Variants in MLLT10 observed in about 807,000 individuals in gnomAD.
MLLT10 encodes protein AF-10.
MLLT10 carries 30 observed loss-of-function variants against 129.1 expected under a neutral mutation model. That is an observed-to-expected ratio of 0.23 (90% CI 0.17 to 0.32). MLLT10 has a LOEUF of 0.32. Ranked by LOEUF, MLLT10 falls within the 10% of genes least tolerant of loss-of-function variation. The probability of loss-of-function intolerance (pLI) is 1.00; values close to 1 mark genes in which losing one functional copy is unlikely to be tolerated. For missense variants in MLLT10, 1,119 were observed against 1,268.3 expected (o/e 0.88, Z 1.79); for synonymous variants, 490 against 446.4 (o/e 1.10, Z -1.23).
chr10:21,677,855 C>T (rs1041493370), intron 11 of MLLT10, among the ~76,000 whole-genome samples: 5 of 152,180 alleles, frequency 3.3e-5, no homozygotes, highest in Non-Finnish European at 7.4e-5. Context: ...TAAACTATAA[C>T]ATTCACTATA....
intron 5 of MLLT10, among the ~76,000 whole-genome samples, chr10:21,596,100 G>A (rs1421606389): frequency 1.3e-5 from 2 of 151,892 alleles, no homozygotes; most frequent in African/African-American, 4.8e-5. Context: ...AAATGTTTTT[G>A]TGTAAAAAAC....
chr10:21,678,100 T>A (rs1339943029), intron 11 of MLLT10, among the ~76,000 whole-genome samples: 1 of 152,042 alleles, frequency 6.6e-6, no homozygotes, highest in Non-Finnish European at 1.5e-5. Context: ...GTAAAGCTTT[T>A]CTTTTCTTTT....
At chr10:21,735,258 A>G (rs2058267634) in intron 21 of MLLT10, 23 bp downstream of exon 21, 3 of 1,528,010 alleles carry the variant, frequency 2.0e-6, no homozygotes, top group African/African-American at 1.4e-5. Flanking sequence ...TTTTGATAAT[A>G]TCTTATTAGG....
At chr10:21,551,316 T>A (rs1385847858) in intron 3 of MLLT10, among the ~76,000 whole-genome samples, 2 of 144,878 alleles carry the variant, frequency 1.4e-5, no homozygotes, top group Non-Finnish European at 3.0e-5. Flanking sequence ...TTTTTTTTTT[T>A]ACATAACACA....
chr10:21,557,267 T>TA, intron 3 of MLLT10: 1 of 859,744 alleles, frequency 1.2e-6, no homozygotes, highest in Non-Finnish European at 1.5e-6. Flanking sequence ...GTTTATGAAA[T>TA]CTGTATTTGA....
intron 3 of MLLT10, among the ~76,000 whole-genome samples, chr10:21,568,916 T>C (rs1386708934): frequency 6.6e-6 from 1 of 152,230 alleles, no homozygotes; most frequent in Non-Finnish European, 1.5e-5. Flanking sequence ...TTAACAGGCA[T>C]GAGCCACTGC....
intron 3 of MLLT10, among the ~76,000 whole-genome samples, chr10:21,580,391 T>A (rs1230584192): frequency 3.4e-5 from 5 of 146,098 alleles, no homozygotes; most frequent in South Asian, 4.2e-4. Flanking sequence ...TTTTGTGTAT[T>A]TTTTTTTTTT....
At chr10:21,553,824 A>G (rs1430486696) in intron 3 of MLLT10, among the ~76,000 whole-genome samples, 3 of 151,120 alleles carry the variant, frequency 2.0e-5, no homozygotes, top group African/African-American at 7.3e-5. Flanking sequence ...TAATTTTTGT[A>G]TTTTTAGTAG....
At chr10:21,626,074 A>G (rs1474687890) in intron 8 of MLLT10, 4 of 1,568,362 alleles carry the variant, frequency 2.6e-6, no homozygotes, top group East Asian at 2.2e-5. Flanking sequence ...TCTTCACTTC[A>G]TCAGGTCCCT....
intron 20 of MLLT10, among the ~76,000 whole-genome samples, chr10:21,734,347 G>A (rs759213284): frequency 7.2e-5 from 11 of 152,126 alleles, no homozygotes; most frequent in Non-Finnish European, 1.5e-4. Context: ...GTTCTGTGCT[G>A]AAAATTAGTC....
At chr10:21,675,990 G>A (rs2052050842) in intron 11 of MLLT10, among the ~76,000 whole-genome samples, 1 of 152,014 alleles carries the variant, frequency 6.6e-6, no homozygotes, top group Non-Finnish European at 1.5e-5. Context: ...TACTCCTGTG[G>A]CAGAAAAAAA....
At chr10:21,625,295 A>G (rs1204455465) in intron 8 of MLLT10, 4 of 865,030 alleles carry the variant, frequency 4.6e-6, no homozygotes, top group Non-Finnish European at 7.8e-6. Context: ...CATTTCATCC[A>G]TAGCCATAAC....
At chr10:21,544,922 G>C (rs928024633) in intron 3 of MLLT10, among the ~76,000 whole-genome samples, 3 of 152,226 alleles carry the variant, frequency 2.0e-5, no homozygotes. Context: ...GAGGCGGGCG[G>C]ATCACCTGAG....
At position 21,717,686 on chromosome 10, in the gene MLLT10, C is replaced by CTCCTCT. The variant is rs1564710989; in HGVS notation, c.1878+3741_1878+3742insTTCCTC. Among the ~76,000 whole-genome samples, 283 of 59,130 alleles carry CTCCTCT rather than the reference C, an allele frequency of 4.8e-3. 15 individuals carry two copies. The highest frequency in any genetic ancestry group is 8.5e-3 in the Middle Eastern group (1 of 118). The allele number at this position is 59,130 out of a possible 152,430, so 38.8% of individuals were successfully genotyped here. A position where few individuals can be genotyped will look rare whatever the true frequency, so the allele number is the denominator to read the frequency against. On this transcript the variant is annotated intron_variant, in intron 14 of 22. Transcript: ENST00000307729. ...CCTCTTCCTCCTCCTCTTCCTCCTC[C>CTCCTCT]TCCTCCTCCTCCTCTTCCTCCTCCT... is the stretch of plus-strand genomic sequence containing the variant.
At chr10:21,693,486 A>AG (rs904637018) in intron 13 of MLLT10, among the ~76,000 whole-genome samples, 42 of 151,074 alleles carry the variant, frequency 2.8e-4, no homozygotes, top group Non-Finnish European at 4.7e-4. Flanking sequence ...CCCTCCACAG[A>AG]GAAAAAAAAA....
intron 13 of MLLT10, among the ~76,000 whole-genome samples, chr10:21,696,761 T>C (rs536891050): frequency 3.2e-4 from 49 of 152,282 alleles, no homozygotes; most frequent in African/African-American, 1.1e-3. Context: ...TCCATAATTC[T>C]GGCCAGAATT....
At chr10:21,620,730 G>T (rs1332607233) in intron 8 of MLLT10, among the ~76,000 whole-genome samples, 2 of 151,538 alleles carry the variant, frequency 1.3e-5, no homozygotes, top group Non-Finnish European at 2.9e-5. Context: ...TGCTGTTGTC[G>T]CCCAGGCTGG....
At chr10:21,689,638 CAT>C (rs1491511059) in intron 13 of MLLT10, among the ~76,000 whole-genome samples, 58 of 131,420 alleles carry the variant, frequency 4.4e-4, no homozygotes, top group Middle Eastern at 4.2e-3. Flanking sequence ...CACACACACA[CAT>C]TTATATATAT....
At chr10:21,625,888 A>C (rs946382904) in intron 8 of MLLT10, 5 of 781,668 alleles carry the variant, frequency 6.4e-6, no homozygotes, top group Admixed American at 3.4e-5. Context: ...TGGCCTTCTC[A>C]AAAAGGGGCA....
Sources: gnomAD v4.1 joint callset for allele counts (sites outside exome capture counted in the v4.1 genomes callset) on GRCh38, gnomAD v4.1.1 for gene constraint, MANE v1.5 for transcripts, NCBI Gene and HGNC (gene_info 2026-07-23, HGNC 2026-07-21) for gene names.